The following PDK1 variants were observed in gnomAD, a reference collection of about 807,000 sequenced individuals.
PDK1 encodes pyruvate dehydrogenase kinase 1, also known as [Pyruvate dehydrogenase (acetyl-transferring)] kinase isozyme 1, mitochondrial.
In PDK1, 39 loss-of-function variants were observed where a neutral mutation model predicts 54.2. The ratio of observed to expected loss-of-function variants is 0.72; its 90% CI spans 0.56 to 0.94. The LOEUF (loss-of-function observed/expected upper bound fraction) is 0.94. Among genes scored for constraint, PDK1 ranks in the 40% least tolerant of loss-of-function variants. PDK1 has a pLI of 0.00. For synonymous variants in PDK1, 221 were observed against 207.1 expected, an observed-to-expected ratio of 1.07 and a Z score of -0.58; for missense variants, 552 against 566.0, an observed-to-expected ratio of 0.98 and a Z score of 0.25.
chr2:172,699,734 CTTTT>C, the PDK1 span, among the ~76,000 whole-genome samples: 1 of 149,152 alleles, frequency 6.7e-6, no homozygotes, highest in Admixed American at 6.7e-5. Flanking sequence ...TGCTTTTTTT[CTTTT>C]TCTTTTTCTT....
downstream of PDK1, among the ~76,000 whole-genome samples, chr2:172,612,388 A>G (rs1462110751): frequency 6.6e-6 from 1 of 152,254 alleles, no homozygotes; most frequent in Non-Finnish European, 1.5e-5. Flanking sequence ...CATTTCCTGC[A>G]TATAATACTG....
At chr2:172,623,990 C>T in the PDK1 span, among the ~76,000 whole-genome samples, 6 of 152,132 alleles carry the variant, frequency 3.9e-5, no homozygotes, top group Non-Finnish European at 7.3e-5. Context: ...CAGCTACTTA[C>T]CCCTGCCTTC....
chr2:172,700,074 G>T, the PDK1 span, among the ~76,000 whole-genome samples: 1 of 152,170 alleles, frequency 6.6e-6, no homozygotes, highest in Non-Finnish European at 1.5e-5. Context: ...GGGGCTGGGG[G>T]CAAGGCCATA....
rs757304591 is a variant in PDK1, at chr2:172,562,840, T to C, written c.410+549T>C. 9 of 1,597,976 alleles carry C rather than the reference T, an allele frequency of 5.6e-6. No homozygotes were observed. In the African/African-American group the frequency reaches 9.4e-5, roughly 17 times the overall value. On this transcript the variant is annotated intron_variant, in intron 3 of 10. Transcript: ENST00000282077. Reference sequence around the variant, plus strand: ...AATGTTAATAACCCATATACCAGAATTGGTAAACCAAAGTATTTGCCTTAT... The same window carrying C: ...AATGTTAATAACCCATATACCAGAACTGGTAAACCAAAGTATTTGCCTTAT...
At position 172,585,316 on chromosome 2, in the gene PDK1, ATTTTTT is replaced by A. The variant is rs538241255; in HGVS notation, c.946-940_946-935del. Among the ~76,000 whole-genome samples, 50 of 103,302 alleles carry A rather than the reference ATTTTTT, an allele frequency of 4.8e-4. 1 individual carries two copies. The highest frequency in any genetic ancestry group is 2.5e-3 in the East Asian group (9 of 3,638). The allele number at this position is 103,302 out of a possible 152,430, so 67.8% of individuals were successfully genotyped here. On this transcript the variant is annotated intron_variant, in intron 8 of 10. Coordinates refer to ENST00000282077, the MANE Select transcript of PDK1 (RefSeq NM_002610.5). ...GCCCAGCCTAGTACATGCATTTTTA[ATTTTTT>A]TTTTTTTTTTTTTTTTTTTTTGAGA...
intron 9 of PDK1, among the ~76,000 whole-genome samples, chr2:172,590,722 G>A (rs1690521745): frequency 6.6e-6 from 1 of 151,972 alleles, no homozygotes; most frequent in Non-Finnish European, 1.5e-5. Flanking sequence ...TGCTGGCTGG[G>A]GTGGCCAGCT....
chr2:172,718,797 G>A, the PDK1 span, among the ~76,000 whole-genome samples: 1 of 152,092 alleles, frequency 6.6e-6, no homozygotes, highest in Non-Finnish European at 1.5e-5. Context: ...CAGAGTCCCT[G>A]TCTTTATTTA....
At chr2:172,649,369 A>G in the PDK1 span, among the ~76,000 whole-genome samples, 1 of 152,238 alleles carries the variant, frequency 6.6e-6, no homozygotes, top group Non-Finnish European at 1.5e-5. Context: ...AAAACCAAAA[A>G]GATGGGGAGA....
chr2:172,697,386 CA>C, the PDK1 span, among the ~76,000 whole-genome samples: 8 of 152,272 alleles, frequency 5.3e-5, no homozygotes, highest in African/African-American at 1.9e-4. Context: ...CCATTATTTT[CA>C]CATGTAAATA....
intron 7 of PDK1, 91 bp downstream of exon 7, chr2:172,568,908 A>G: frequency 1.3e-6 from 1 of 754,514 alleles, no homozygotes; most frequent in Non-Finnish European, 2.4e-6. Flanking sequence ...AGGTTCTCCT[A>G]TTAAGAAGTG....
rs1442281271 is a variant in PDK1, at chr2:172,556,194, C to G, written c.44C>G (p.Pro15Arg). 1.1e-5 allele frequency: 16 copies of G among 1,419,844 alleles called. No individual in the cohort carries two copies. The East Asian group carries it at 3.7e-4, about 32-fold the overall frequency. The allele number at this position is 1,419,844 out of a possible 1,614,324, so 88.0% of individuals were successfully genotyped here. A position where few individuals can be genotyped will look rare whatever the true frequency, so the allele number is the denominator to read the frequency against. Residue 15 changes from proline to arginine, a missense_variant, in exon 1 of 11, where the codon CCG (proline) becomes CGG (arginine). By Grantham distance (103) the Pro-to-Arg change is moderately radical. Transcript: ENST00000282077. Reference sequence around the variant, plus strand: ...CTTCGCGGAGCCGCCTTGGCCGGCCCGGGCCCGGGGCTGCGCGCCGCCGGC... The same window carrying G: ...CTTCGCGGAGCCGCCTTGGCCGGCCGGGGCCCGGGGCTGCGCGCCGCCGGC... ...RLLRGAALAGPGPGLRAAGFS... is the reference protein window; with the variant it reads ...RLLRGAALAGRGPGLRAAGFS...
At chr2:172,712,696 C>T in the PDK1 span, among the ~76,000 whole-genome samples, 2 of 152,122 alleles carry the variant, frequency 1.3e-5, no homozygotes, top group Non-Finnish European at 2.9e-5. Flanking sequence ...GTGTCACAGC[C>T]GTGGCTTGGG....
chr2:172,648,583 C>A, the PDK1 span, among the ~76,000 whole-genome samples: 4 of 152,104 alleles, frequency 2.6e-5, no homozygotes, highest in African/African-American at 9.7e-5. Flanking sequence ...CCTTTCCTAG[C>A]AAAGGGAAGC....
At chr2:172,705,402 G>A in the PDK1 span, among the ~76,000 whole-genome samples, 51,954 of 152,050 alleles carry the variant, frequency 0.34, 10,462 homozygotes, top group East Asian at 0.79. Context: ...TTAAGTCTAC[G>A]CAAATCTCTG....
At chr2:172,592,275 CTG>C (rs761524735) in intron 9 of PDK1, among the ~76,000 whole-genome samples, 5 of 152,188 alleles carry the variant, frequency 3.3e-5, no homozygotes, top group Admixed American at 2.0e-4. Context: ...ATAGGGTACA[CTG>C]TTTTTTCTTT....
the PDK1 span, among the ~76,000 whole-genome samples, chr2:172,656,990 C>G: frequency 6.6e-6 from 1 of 151,968 alleles, no homozygotes. Flanking sequence ...CGTTGAGGCT[C>G]CAGCAATTTG....
intron 9 of PDK1, among the ~76,000 whole-genome samples, chr2:172,587,987 T>A (rs2149281418): frequency 6.6e-6 from 1 of 152,294 alleles, no homozygotes; most frequent in South Asian, 2.1e-4. Flanking sequence ...GACAGAAAAG[T>A]TCTCCAAGTC....
the PDK1 span, among the ~76,000 whole-genome samples, chr2:172,699,478 CTTT>C: frequency 6.1e-5 from 8 of 130,212 alleles, no homozygotes; most frequent in Middle Eastern, 4.0e-3. Flanking sequence ...CCTCATCTGA[CTTT>C]TTTTTTTTTT....
At chr2:172,681,233 T>C in the PDK1 span, among the ~76,000 whole-genome samples, 1 of 152,238 alleles carries the variant, frequency 6.6e-6, no homozygotes, top group African/African-American at 2.4e-5. Context: ...TAAGCGATGC[T>C]CTGAACCAGG....
Sources: gnomAD v4.1 joint callset for allele counts (sites outside exome capture counted in the v4.1 genomes callset) on GRCh38, gnomAD v4.1.1 for gene constraint, MANE v1.5 for transcripts, NCBI Gene and HGNC (gene_info 2026-07-23, HGNC 2026-07-21) for gene names.